PLSCR2: variants seen among roughly 807,000 people sequenced by gnomAD.
PLSCR2 encodes the protein PL scramblase 2.
PLSCR2 carries 18 observed loss-of-function variants against 25.3 expected under a neutral mutation model. That is an observed-to-expected ratio of 0.71 (90% CI 0.49 to 1.06). The LOEUF is 1.06. PLSCR2 is among the 50% of genes least tolerant of loss of function. PLSCR2 has a pLI of 0.00. For synonymous variants in PLSCR2, 88 were observed against 87.3 expected, an observed-to-expected ratio of 1.01 and a Z score of -0.04; for missense variants, 243 against 269.5, an observed-to-expected ratio of 0.90 and a Z score of 0.69.
chr3:146,457,306 A>G (rs1360116911), intron 3 of PLSCR2, among the ~76,000 whole-genome samples: 2 of 152,266 alleles, frequency 1.3e-5, no homozygotes, highest in Non-Finnish European at 2.9e-5. Context: ...ACTTTATTAT[A>G]TCAGAAGGAA....
At chr3:146,492,799 C>T (rs2043598057) in intron 1 of PLSCR2, among the ~76,000 whole-genome samples, 1 of 151,702 alleles carries the variant, frequency 6.6e-6, no homozygotes, top group African/African-American at 2.4e-5. Context: ...ATAACCAAAA[C>T]CAGAGCTAAT....
chr3:146,396,957 C>G (rs2038296269), intron 2 of PLSCR2, among the ~76,000 whole-genome samples: 1 of 152,100 alleles, frequency 6.6e-6, no homozygotes, highest in Non-Finnish European at 1.5e-5. Flanking sequence ...CACACTAGCC[C>G]TACAAACAGA....
intron 2 of PLSCR2, among the ~76,000 whole-genome samples, chr3:146,408,197 G>A (rs1417065702): frequency 6.6e-6 from 1 of 152,132 alleles, no homozygotes; most frequent in Non-Finnish European, 1.5e-5. Flanking sequence ...TGGCCATCCA[G>A]AGGCCACAGG....
At chr3:146,434,997 C>T (rs1318590298) in intron 8 of PLSCR2, among the ~76,000 whole-genome samples, 2 of 149,660 alleles carry the variant, frequency 1.3e-5, no homozygotes, top group Non-Finnish European at 3.0e-5. Context: ...ATTCAATTCC[C>T]ACCTATGAGT....
intron 1 of PLSCR2, among the ~76,000 whole-genome samples, chr3:146,487,760 A>G (rs1261283115): frequency 6.6e-6 from 1 of 152,210 alleles, no homozygotes; most frequent in Admixed American, 6.5e-5. Flanking sequence ...AATAATTTAT[A>G]AATTTAATGC....
chr3:146,406,369 G>A (rs1040379256), intron 2 of PLSCR2, among the ~76,000 whole-genome samples: 2 of 152,110 alleles, frequency 1.3e-5, no homozygotes, highest in African/African-American at 2.4e-5. Flanking sequence ...CCTGCTGCAA[G>A]GTCGATACTT....
intron 1 of PLSCR2, among the ~76,000 whole-genome samples, chr3:146,471,566 C>CT (rs550109802): frequency 0.063 from 8,123 of 129,658 alleles, 272 homozygotes; most frequent in Admixed American, 0.092. Flanking sequence ...AGATACAATT[C>CT]TTTTTTTTTT....
intron 2 of PLSCR2, among the ~76,000 whole-genome samples, chr3:146,425,530 G>A (rs886204236): frequency 6.6e-6 from 1 of 152,174 alleles, no homozygotes; most frequent in African/African-American, 2.4e-5. Context: ...GTATCTGGAA[G>A]TGGGGTGCTG....
chr3:146,480,610 A>C (rs934945030), intron 1 of PLSCR2, among the ~76,000 whole-genome samples: 6 of 151,784 alleles, frequency 4.0e-5, no homozygotes, highest in African/African-American at 1.5e-4. Context: ...CCAATGAAAA[A>C]GAGTCCAGGA....
At chr3:146,423,231 G>GTGCCTC (rs1183949085) in intron 2 of PLSCR2, among the ~76,000 whole-genome samples, 18 of 58,142 alleles carry the variant, frequency 3.1e-4, no homozygotes, top group African/African-American at 9.2e-4. Context: ...TCTCCTTGCA[G>GTGCCTC]TGCCTCTCTC....
At position 146,393,314 on chromosome 3, in the gene PLSCR2, C is replaced by T. The variant is rs937233908; in HGVS notation, c.*146-1752G>A. Among the ~76,000 whole-genome samples, 5 of 151,274 alleles carry T rather than the reference C, an allele frequency of 3.3e-5. No individual in the cohort carries two copies. In the East Asian group the frequency reaches 1.0e-3, roughly 30 times the overall value. On this transcript the variant is annotated intron_variant and NMD_transcript_variant, in intron 3 of 3. Transcript: ENST00000463633. ...AAGTGCTGGGATTACAGGCGTGAGC[C>T]ACCGTGCCCAGCCTACATTTCTATA...
At chr3:146,462,658 G>A (rs1472314446), upstream of PLSCR2, among the ~76,000 whole-genome samples, 2 of 151,776 alleles carry the variant, frequency 1.3e-5, no homozygotes, top group Non-Finnish European at 2.9e-5. Context: ...GTAGAGACGG[G>A]GTTTCACCAT....
At chr3:146,466,921 T>C (rs915667259) in intron 1 of PLSCR2, among the ~76,000 whole-genome samples, 1 of 152,210 alleles carries the variant, frequency 6.6e-6, no homozygotes, top group Non-Finnish European at 1.5e-5. Flanking sequence ...TTACGTAAGA[T>C]AGAAATATCT....
At chr3:146,424,132 T>TTA (rs1553771255) in intron 2 of PLSCR2, among the ~76,000 whole-genome samples, 17 of 147,040 alleles carry the variant, frequency 1.2e-4, no homozygotes, top group East Asian at 8.0e-4. Context: ...TTAAAGTATT[T>TTA]AAAAAAAAAA....
exon 1 of PLSCR2, chr3:146,460,425 A>G (rs1464498623): frequency 1.2e-5 from 2 of 166,022 alleles, no homozygotes; most frequent in Non-Finnish European, 2.5e-5. Flanking sequence ...GCCTTCATGG[A>G]AAAGAGAGAT....
downstream of PLSCR2, chr3:146,441,686 G>GA (rs2040253111): frequency 1.1e-5 from 8 of 749,428 alleles, no homozygotes; most frequent in Admixed American, 5.7e-5. Flanking sequence ...ATAAAGAAAA[G>GA]AAAAAAACAC....
intron 1 of PLSCR2, among the ~76,000 whole-genome samples, chr3:146,489,887 G>A (rs752584884): frequency 1.3e-5 from 2 of 152,008 alleles, no homozygotes; most frequent in Admixed American, 1.3e-4. Context: ...ATATGAACAT[G>A]CTGGGAACTA....
intron 1 of PLSCR2, 173 bp downstream of exon 1, chr3:146,469,322 C>A: frequency 1.0e-6 from 1 of 985,074 alleles, no homozygotes; most frequent in Non-Finnish European, 1.2e-6. Context: ...ACAGCTGGGC[C>A]GCCTGGGGCC....
intron 3 of PLSCR2, among the ~76,000 whole-genome samples, chr3:146,394,983 A>G (rs960484908): frequency 6.6e-6 from 1 of 152,146 alleles, no homozygotes; most frequent in East Asian, 1.9e-4. Context: ...CTTCCCCTTC[A>G]CCTTCCACCA....
Sources: gnomAD v4.1 joint callset for allele counts (sites outside exome capture counted in the v4.1 genomes callset) on GRCh38, gnomAD v4.1.1 for gene constraint, MANE v1.5 for transcripts, NCBI Gene and HGNC (gene_info 2026-07-23, HGNC 2026-07-21) for gene names.